The following CDH13 variants were observed in gnomAD, a reference collection of about 807,000 sequenced individuals.
CDH13 encodes cadherin 13.
A neutral mutation model predicts 63.8 loss-of-function variants in CDH13; 24 were observed. The ratio of observed to expected loss-of-function variants is 0.38; its 90% confidence interval spans 0.27 to 0.53. The LOEUF (loss-of-function observed/expected upper bound fraction) is 0.53. CDH13 is among the 20% of genes least tolerant of loss of function. The pLI, the probability that CDH13 is intolerant of heterozygous loss-of-function variation, is 0.85. For missense variants in CDH13, 1,049 were observed against 903.1 expected (o/e 1.16, Z -2.07); for synonymous variants, 503 against 355.3 (o/e 1.42, Z -4.67).
At chr16:83,605,943 C>T (rs956744768) in intron 8 of CDH13, among the ~76,000 whole-genome samples, 1 of 152,122 alleles carries the variant, frequency 6.6e-6, no homozygotes, top group Non-Finnish European at 1.5e-5. Flanking sequence ...TGAGATCAGG[C>T]CTCGGGACAA....
chr16:83,308,357 T>G (rs377047304), intron 5 of CDH13, among the ~76,000 whole-genome samples: 1 of 152,208 alleles, frequency 6.6e-6, no homozygotes, highest in Non-Finnish European at 1.5e-5. Context: ...AAAATATAAA[T>G]GATGAGGCTA....
At chr16:83,039,852 G>A (rs1244729015) in intron 3 of CDH13, among the ~76,000 whole-genome samples, 1 of 152,022 alleles carries the variant, frequency 6.6e-6, no homozygotes, top group Non-Finnish European at 1.5e-5. Context: ...TCCTTCCACT[G>A]AGGTTCCACC....
chr16:83,697,895 G>A (rs531335539), intron 10 of CDH13, among the ~76,000 whole-genome samples: 16 of 152,308 alleles, frequency 1.1e-4, no homozygotes, highest in East Asian at 3.9e-4. Flanking sequence ...GGTCTGCCCC[G>A]CCTCGGCCTC....
At chr16:82,735,479 G>A (rs540515280) in intron 1 of CDH13, among the ~76,000 whole-genome samples, 186 of 152,302 alleles carry the variant, frequency 1.2e-3, no homozygotes, top group Non-Finnish European at 2.0e-3. Context: ...CTAGAGTATC[G>A]CCTTGGATTT....
At chr16:82,971,882 G>T (rs1008555893) in intron 2 of CDH13, among the ~76,000 whole-genome samples, 2 of 152,166 alleles carry the variant, frequency 1.3e-5, no homozygotes, top group Non-Finnish European at 2.9e-5. Context: ...GATTCTGCAT[G>T]GCCTGTACCC....
chr16:83,289,404 T>G (rs1487927857), intron 5 of CDH13, among the ~76,000 whole-genome samples: 2 of 152,192 alleles, frequency 1.3e-5, no homozygotes, highest in Non-Finnish European at 2.9e-5. Flanking sequence ...TTGGATGCTT[T>G]ATAAAAATGC....
At chr16:83,205,358 C>A (rs1453025203) in intron 4 of CDH13, among the ~76,000 whole-genome samples, 2 of 152,072 alleles carry the variant, frequency 1.3e-5, no homozygotes, top group East Asian at 1.9e-4. Flanking sequence ...GGGGTTTGGG[C>A]CCAGCAAATA....
chr16:83,665,442 T>C (rs1408443930), intron 8 of CDH13, among the ~76,000 whole-genome samples: 2 of 152,228 alleles, frequency 1.3e-5, no homozygotes, highest in Non-Finnish European at 2.9e-5. Flanking sequence ...TGCTACCCAT[T>C]AGACTATTGG....
intron 1 of CDH13, among the ~76,000 whole-genome samples, chr16:82,683,149 G>A (rs13336088): frequency 2.7e-3 from 414 of 152,266 alleles, no homozygotes; most frequent in African/African-American, 9.3e-3. Context: ...AAAATAAGTC[G>A]TAGATCAGAA....
At chr16:83,145,123 C>T (rs563807983) in intron 4 of CDH13, among the ~76,000 whole-genome samples, 16 of 152,288 alleles carry the variant, frequency 1.1e-4, no homozygotes, top group African/African-American at 3.6e-4. Flanking sequence ...TATTTGTCTA[C>T]ATGAAGGGAT....
intron 7 of CDH13, among the ~76,000 whole-genome samples, chr16:83,496,037 A>T (rs1371799588): frequency 6.6e-6 from 1 of 151,420 alleles, no homozygotes; most frequent in Admixed American, 6.6e-5. Context: ...AGAACATTCC[A>T]TGCTCATGGG....
At chr16:83,601,419 T>C (rs1368924194) in intron 7 of CDH13, among the ~76,000 whole-genome samples, 5 of 152,176 alleles carry the variant, frequency 3.3e-5, no homozygotes, top group Admixed American at 2.6e-4. Context: ...GAAAAACACT[T>C]ATGTGAAGAG....
chr16:83,014,319 T>TAAAAAA (rs34322579), intron 2 of CDH13, among the ~76,000 whole-genome samples: 6 of 67,706 alleles, frequency 8.9e-5, no homozygotes, highest in African/African-American at 1.3e-4. Context: ...CCCAAATCGA[T>TAAAAAA]AAAAAAAAAA....
chr16:83,240,291 C>T (rs768911774), intron 5 of CDH13, among the ~76,000 whole-genome samples: 1 of 152,080 alleles, frequency 6.6e-6, no homozygotes, highest in Non-Finnish European at 1.5e-5. Flanking sequence ...GGGTGGATCA[C>T]TCAGGGCCTT....
Position 83,089,304 on chromosome 16 carries a change from T to G in CDH13, c.367-36081T>G, listed in dbSNP as rs548862135. On this transcript the variant is annotated intron_variant, in intron 3 of 13. Coordinates refer to ENST00000567109, the MANE Select transcript of CDH13 (RefSeq NM_001257.5). ...TTGGTCCTTCATAAATTTTACTTTATAAAGATATTTTACGTTGTATAATTG... is the reference window on the plus strand; with the variant it reads ...TTGGTCCTTCATAAATTTTACTTTAGAAAGATATTTTACGTTGTATAATTG... 2.6e-5 allele frequency among the ~76,000 whole-genome samples: 4 copies of G among 152,334 alleles called. No individual in the cohort carries two copies. The South Asian group carries it at 8.3e-4, about 32-fold the overall frequency.
chr16:83,565,163 C>G (rs2150694943), intron 7 of CDH13, among the ~76,000 whole-genome samples: 1 of 152,230 alleles, frequency 6.6e-6, no homozygotes, highest in East Asian at 1.9e-4. Context: ...CCTTTTCAGA[C>G]TCTTGTCCTC....
At chr16:82,647,733 T>C (rs1910263728) in intron 1 of CDH13, among the ~76,000 whole-genome samples, 1 of 151,304 alleles carries the variant, frequency 6.6e-6, no homozygotes, top group South Asian at 2.1e-4. Flanking sequence ...TATTTGCAGT[T>C]GGAAGTTGAG....
At chr16:83,613,368 A>T (rs1339661062) in intron 8 of CDH13, among the ~76,000 whole-genome samples, 1 of 152,130 alleles carries the variant, frequency 6.6e-6, no homozygotes, top group Non-Finnish European at 1.5e-5. Context: ...CTTCACTGGG[A>T]CCCTAATTTT....
chr16:83,164,877 G>A (rs1274846855), intron 4 of CDH13, among the ~76,000 whole-genome samples: 1 of 140,638 alleles, frequency 7.1e-6, no homozygotes, highest in Non-Finnish European at 1.5e-5. Flanking sequence ...CTCACAAAGT[G>A]GACATTATTA....
Sources: gnomAD v4.1 joint callset for allele counts (sites outside exome capture counted in the v4.1 genomes callset) on GRCh38, gnomAD v4.1.1 for gene constraint, MANE v1.5 for transcripts, NCBI Gene and HGNC (gene_info 2026-07-23, HGNC 2026-07-21) for gene names.